Variants in SLC25A34 observed in about 807,000 individuals in gnomAD.
SLC25A34 encodes solute carrier family 25, member 34.
In SLC25A34, 26 loss-of-function variants were observed where a neutral mutation model predicts 28.1. That is an observed-to-expected ratio of 0.93 (90% confidence interval 0.68 to 1.28). The LOEUF is 1.28. SLC25A34 is among the 50% of genes most tolerant of loss of function. The probability of loss-of-function intolerance (pLI) is 0.00; values close to 1 mark genes in which losing one functional copy is unlikely to be tolerated. For missense variants in SLC25A34, 384 were observed against 409.8 expected, an observed-to-expected ratio of 0.94 and a Z score of 0.54; for synonymous variants, 182 against 182.2, an observed-to-expected ratio of 1.00 and a Z score of 0.01.
chr1:15,741,069 A>G lies in SLC25A34; in HGVS notation c.*1663A>G, dbSNP rs952415630. On this transcript the variant is annotated 3_prime_UTR_variant, in exon 5 of 5. Transcript: ENST00000294454. ...TTGCACATATCCTGACAAGCCTGAA[A>G]GAAGCTCCGGGTGCCCATTGTTCAG... is the stretch of plus-strand genomic sequence containing the variant. 6.6e-6 allele frequency: 1 copy of G among 152,316 alleles called. No individual in the cohort carries two copies. The highest frequency in any genetic ancestry group is 1.5e-5 in the Non-Finnish European group (1 of 68,108). The allele number at this position is 152,316 out of a possible 1,614,324, so 9.4% of individuals were successfully genotyped here. A position where few individuals can be genotyped will look rare whatever the true frequency, so the allele number is the denominator to read the frequency against.
Position 15,736,733 on chromosome 1 carries a change from T to C in SLC25A34, c.248T>C (p.Met83Thr). 3 of 1,609,544 alleles carry C rather than the reference T, an allele frequency of 1.9e-6. No homozygotes were observed. Among genetic ancestry groups the C allele is most frequent in the Non-Finnish European group, 2.5e-6 (3 of 1,179,588 alleles). ...LAAGLLYQGLMNGVRFYCYSL... is the reference protein window; with the variant it reads ...LAAGLLYQGLTNGVRFYCYSL... The stretch of plus-strand genomic sequence containing the variant: ...GCCGGCCTTCTGTACCAAGGCCTCA[T>C]GAATGGCGTTCGTTTCTACTGCTAC... The change falls in exon 1 of 5, where the codon ATG (methionine) becomes ACG (threonine). Residue 83 changes from methionine (M) to threonine (T), a missense_variant. Met to Thr is a moderately conservative substitution (Grantham distance 81, BLOSUM62 -1). Coordinates refer to ENST00000294454, the MANE Select transcript of SLC25A34 (RefSeq NM_207348.3).
At chr1:15,736,989 C>A in intron 1 of SLC25A34, 126 bp downstream of exon 1, 1 of 1,271,064 alleles carries the variant, frequency 7.9e-7, no homozygotes, top group Non-Finnish European at 1.0e-6. Context: ...GGTGGGGCTG[C>A]TCCCTGGAAC....
chr1:15,739,564 GC>G lies in SLC25A34; in HGVS notation c.*161del. 1 of 740,028 alleles carries G rather than the reference GC, an allele frequency of 1.4e-6. No individual in the cohort carries two copies. Among genetic ancestry groups the G allele is most frequent in the Non-Finnish European group, 2.0e-6 (1 of 502,878 alleles). 45.8% of individuals were successfully genotyped at this position (740,028 alleles called of 1,614,324 possible). A position where few individuals can be genotyped will look rare whatever the true frequency, so the allele number is the denominator to read the frequency against. On this transcript the variant is annotated 3_prime_UTR_variant, in exon 5 of 5. Transcript: ENST00000294454. ...CAGCTCTGGTCCATCCAGCCCCTTG[GC>G]CCACCCAGGTCCAGAGCATCCACTT... is the stretch of plus-strand genomic sequence containing the variant.
At position 15,739,726 on chromosome 1, in the gene SLC25A34, C is replaced by A. The variant is rs894566144; in HGVS notation, c.*320C>A. Reference sequence around the variant, plus strand: ...CACATGGCATAGGCCCAGTAACTTACATACATCGGCTCACTTAGGCCTCAG... The same window carrying A: ...CACATGGCATAGGCCCAGTAACTTAAATACATCGGCTCACTTAGGCCTCAG... On this transcript the variant is annotated 3_prime_UTR_variant, in exon 5 of 5. Transcript: ENST00000294454. 13 of 243,894 alleles carry A rather than the reference C, an allele frequency of 5.3e-5. No individual in the cohort carries two copies. Among genetic ancestry groups the A allele is most frequent in the Non-Finnish European group, 1.6e-5 (2 of 127,432 alleles). 15.1% of individuals were successfully genotyped at this position (243,894 alleles called of 1,614,324 possible). A position where few individuals can be genotyped will look rare whatever the true frequency, so the allele number is the denominator to read the frequency against.
rs748180983 is a variant in SLC25A34 at position 15,739,453 on chromosome 1, G to T, written c.*47G>T. On this transcript the variant is annotated 3_prime_UTR_variant, in exon 5 of 5. Transcript: ENST00000294454. Reference sequence around the variant, plus strand: ...TCCTGACACGGCCGGCACTTGGCCGGAAGTGAGAGCCTGCTCCAGGACAAC... The same window carrying T: ...TCCTGACACGGCCGGCACTTGGCCGTAAGTGAGAGCCTGCTCCAGGACAAC... The T allele has an allele frequency of 6.7e-7, 1 of 1,484,272 alleles. No homozygotes were observed. Among genetic ancestry groups the T allele is most frequent in the Non-Finnish European group, 8.9e-7 (1 of 1,119,258 alleles). 91.9% of individuals were successfully genotyped at this position (1,484,272 alleles called of 1,614,324 possible). A position where few individuals can be genotyped will look rare whatever the true frequency, so the allele number is the denominator to read the frequency against.
At position 15,736,399 on chromosome 1, in the gene SLC25A34, C is replaced by G. The variant is rs555222872; in HGVS notation, c.-87C>G. ...TGCAAACCCCAGCCCCGTAGCCCTG[C>G]GAGGTTACAGACAGCCTAAACGCCA... On this transcript the variant is annotated 5_prime_UTR_variant, in exon 1 of 5. Transcript: ENST00000294454. The G allele has an allele frequency of 6.8e-6, 9 of 1,323,784 alleles. No individual in the cohort carries two copies. The African/African-American group carries it at 1.4e-4, about 20-fold the overall frequency. 82.0% of individuals were successfully genotyped at this position (1,323,784 alleles called of 1,614,324 possible). A position where few individuals can be genotyped will look rare whatever the true frequency, so the allele number is the denominator to read the frequency against.
chr1:15,739,753 C>A lies in SLC25A34; in HGVS notation c.*347C>A. 1 of 205,962 alleles carries A rather than the reference C, an allele frequency of 4.9e-6. No individual in the cohort carries two copies. Among genetic ancestry groups the A allele is most frequent in the Non-Finnish European group, 9.7e-6 (1 of 103,282 alleles). The allele number at this position is 205,962 out of a possible 1,614,324, so 12.8% of individuals were successfully genotyped here. ...TACATCGGCTCACTTAGGCCTCAGA[C>A]AGCAGCACGAGGCAGGCACTTTTAC... is the stretch of plus-strand genomic sequence containing the variant. On this transcript the variant is annotated 3_prime_UTR_variant, in exon 5 of 5. Coordinates refer to ENST00000294454, the MANE Select transcript of SLC25A34 (RefSeq NM_207348.3).
At position 15,739,409 on chromosome 1, in the gene SLC25A34, G is replaced by T. The variant is rs774124240; in HGVS notation, c.*3G>T. The T allele has an allele frequency of 6.6e-7, 1 of 1,504,190 alleles. No individual in the cohort carries two copies. Among genetic ancestry groups the T allele is most frequent in the East Asian group, 2.4e-5 (1 of 41,572 alleles). The allele number at this position is 1,504,190 out of a possible 1,614,324, so 93.2% of individuals were successfully genotyped here. A position where few individuals can be genotyped will look rare whatever the true frequency, so the allele number is the denominator to read the frequency against. On this transcript the variant is annotated 3_prime_UTR_variant, in exon 5 of 5. Coordinates refer to ENST00000294454, the MANE Select transcript of SLC25A34 (RefSeq NM_207348.3). The stretch of plus-strand genomic sequence containing the variant: ...GGGCCCAGCACAAGGGCACCTAGAC[G>T]ACGGCCCTCACCCCCACGTCCTGAC...
Position 15,739,733 on chromosome 1 carries a change from C to A in SLC25A34, c.*327C>A, listed in dbSNP as rs117849659. 3.3e-3 allele frequency: 773 copies of A among 231,106 alleles called. 24 individuals are homozygous for A. Among genetic ancestry groups the A allele is most frequent in the Admixed American group, 0.033 (587 of 17,682 alleles). The allele number at this position is 231,106 out of a possible 1,614,324, so 14.3% of individuals were successfully genotyped here. ...CATAGGCCCAGTAACTTACATACAT[C>A]GGCTCACTTAGGCCTCAGACAGCAG... On this transcript the variant is annotated 3_prime_UTR_variant, in exon 5 of 5. Transcript: ENST00000294454.
At position 15,739,270 on chromosome 1, in the gene SLC25A34, G is replaced by A. The variant is rs775379906; in HGVS notation, c.779G>A (p.Arg260Gln). 27 of 1,612,078 alleles carry A rather than the reference G, an allele frequency of 1.7e-5. No homozygotes were observed. The highest frequency in any genetic ancestry group is 2.2e-5 in the East Asian group (1 of 44,842). Residue 260 changes from arginine (R) to glutamine (Q), a missense_variant, in exon 5 of 5, where the codon CGG becomes CAG. Transcript: ENST00000294454. Reference sequence around the variant, plus strand: ...ACCGACTGCATGGTGAAGATCTGGCGGCAGGAGGGCCCCCTGGCACTCTAC... The same window carrying A: ...ACCGACTGCATGGTGAAGATCTGGCAGCAGGAGGGCCCCCTGGCACTCTAC... The part of the protein sequence containing the change: ...GLTDCMVKIW[R>Q]QEGPLALYKG...
chr1:15,738,746 T>G lies in SLC25A34; in HGVS notation c.732+18T>G. ...CTGGCAGGGTGAGCAGGGGCGGGTC[T>G]AGGGGAGACCGTGGGGAGCTGGGAG... On this transcript the variant is annotated intron_variant, in intron 4 of 4. Transcript: ENST00000294454. 6.5e-7 allele frequency: 1 copy of G among 1,527,474 alleles called. No individual in the cohort carries two copies. Among genetic ancestry groups the G allele is most frequent in the South Asian group, 1.2e-5 (1 of 80,364 alleles). 94.6% of individuals were successfully genotyped at this position (1,527,474 alleles called of 1,614,324 possible). A position where few individuals can be genotyped will look rare whatever the true frequency, so the allele number is the denominator to read the frequency against.
chr1:15,736,566 G>A lies in SLC25A34; in HGVS notation c.81G>A (p.Leu27=). 6.7e-7 allele frequency: 1 copy of A among 1,500,218 alleles called. No individual in the cohort carries two copies. The allele number at this position is 1,500,218 out of a possible 1,614,324, so 92.9% of individuals were successfully genotyped here. A position where few individuals can be genotyped will look rare whatever the true frequency, so the allele number is the denominator to read the frequency against. Residue 27 remains leucine, a synonymous_variant, in exon 1 of 5, where the codon CTG becomes CTA. Coordinates refer to ENST00000294454, the MANE Select transcript of SLC25A34 (RefSeq NM_207348.3). ...TGGCCTGTGTCTTCACCAACCCCCT[G>A]GAGGTGGTGAAGACGCGGCTGCAGC... The part of the protein sequence containing the change: ...CCLACVFTNP[L]EVVKTRLQLQ...
At chr1:15,738,810 ACACTCACACT>A in intron 4 of SLC25A34, 82 bp downstream of exon 4, 9 of 582,458 alleles carry the variant, frequency 1.5e-5, no homozygotes, top group Non-Finnish European at 2.1e-5. Flanking sequence ...ACACTCTCAC[ACACTCACACT>A]CACACATGCA....
rs867736253 is a variant in SLC25A34, at chr1:15,738,142, G to A, written c.494G>A (p.Gly165Glu). 1 of 1,607,994 alleles carries A rather than the reference G, an allele frequency of 6.2e-7. No homozygotes were observed. Among genetic ancestry groups the A allele is most frequent in the Non-Finnish European group, 8.5e-7 (1 of 1,176,320 alleles). ...ATCTGGCGGCAGCAAGGGCTCTTGGGGCTGTGGCAGGGCGTTGGTGGGGCT... is the reference window on the plus strand; with the variant it reads ...ATCTGGCGGCAGCAAGGGCTCTTGGAGCTGTGGCAGGGCGTTGGTGGGGCT... ...ETIWRQQGLLGLWQGVGGAVP... is the reference protein window; with the variant it reads ...ETIWRQQGLLELWQGVGGAVP... The change falls in exon 3 of 5, where the codon GGG (glycine) becomes GAG (glutamate). Residue 165 changes from glycine (G) to glutamate (E), a missense_variant. By Grantham distance (98) the Gly-to-Glu change is moderately conservative. Transcript: ENST00000294454.
At position 15,741,191 on chromosome 1, in the gene SLC25A34, C is replaced by G. The variant is rs552834333; in HGVS notation, c.*1785C>G. The G allele has an allele frequency of 2.0e-5, 3 of 152,642 alleles. No individual in the cohort carries two copies. Among genetic ancestry groups the G allele is most frequent in the Admixed American group, 1.3e-4 (2 of 15,304 alleles). The allele number at this position is 152,642 out of a possible 1,614,324, so 9.5% of individuals were successfully genotyped here. A position where few individuals can be genotyped will look rare whatever the true frequency, so the allele number is the denominator to read the frequency against. ...CTGGGCCTTTCTCTAGACTGAGCAC[C>G]ATTCCCCGTGGGTGTGCTCTCAGCG... On this transcript the variant is annotated 3_prime_UTR_variant, in exon 5 of 5. Transcript: ENST00000294454.
At position 15,736,692 on chromosome 1, in the gene SLC25A34, G is replaced by A. The variant is rs776735009; in HGVS notation, c.207G>A (p.Leu69=). The A allele has an allele frequency of 1.9e-6, 3 of 1,609,818 alleles. No individual in the cohort carries two copies. In the South Asian group the frequency reaches 3.3e-5, roughly 18 times the overall value. The change falls in exon 1 of 5, where the codon CTG becomes CTA. Residue 69 remains leucine, a synonymous_variant. Transcript: ENST00000294454. ...AVARADGLWG[L]QKGLAAGLLY... The stretch of plus-strand genomic sequence containing the variant: ...CCCGAGCAGACGGGCTGTGGGGCCT[G>A]CAGAAGGGGCTGGCTGCCGGCCTTC...
At chr1:15,739,179 G>T in intron 4 of SLC25A34, 45 bp from the exon 5 acceptor site, 1 of 1,587,432 alleles carries the variant, frequency 6.3e-7, no homozygotes, top group Non-Finnish European at 8.6e-7. Context: ...GCCAGCCAGG[G>T]CCTCAAGGCC....
chr1:15,738,800 A>C, intron 4 of SLC25A34, 72 bp downstream of exon 4: 2 of 1,384,654 alleles, frequency 1.4e-6, no homozygotes, highest in Non-Finnish European at 1.9e-6. Context: ...ACACACACAC[A>C]CACTCTCACA....
chr1:15,738,546 G>A (rs764404249), intron 3 of SLC25A34, 48 bp from the exon 4 acceptor site: 2 of 1,575,630 alleles, frequency 1.3e-6, no homozygotes, highest in Non-Finnish European at 1.7e-6. Context: ...CACGACGTGG[G>A]TGGGTAGAGA....
Sources: allele counts gnomAD v4.1 joint callset, GRCh38; gene constraint gnomAD v4.1.1; transcripts MANE v1.5; gene names NCBI Gene and HGNC (gene_info 2026-07-23, HGNC 2026-07-21).